Variants in GLIS3 observed in about 807,000 individuals in gnomAD.
The protein encoded by GLIS3 is GLIS family zinc finger 3, also known as zinc finger protein GLIS3.
A neutral mutation model predicts 78.6 loss-of-function variants in GLIS3; 53 were observed. The ratio of observed to expected loss-of-function variants is 0.67; its 90% CI spans 0.54 to 0.85. GLIS3 has a LOEUF of 0.85. GLIS3 is among the 40% of genes least tolerant of loss of function. The pLI, the probability that GLIS3 is intolerant of heterozygous loss-of-function variation, is 0.00. For synonymous variants in GLIS3, 684 were observed against 509.9 expected (o/e 1.34, Z -4.60); for missense variants, 1,703 against 1,231.1 (o/e 1.38, Z -5.74).
chr9:4,228,725 T>G (rs1241609093), intron 2 of GLIS3, among the ~76,000 whole-genome samples: 1 of 152,146 alleles, frequency 6.6e-6, no homozygotes, highest in Non-Finnish European at 1.5e-5. Flanking sequence ...CAATATGAAA[T>G]GAAAAATGAT....
chr9:3,866,529 A>G (rs988954120), intron 8 of GLIS3, among the ~76,000 whole-genome samples: 4 of 152,174 alleles, frequency 2.6e-5, no homozygotes, highest in Non-Finnish European at 4.4e-5. Flanking sequence ...CTGAAGAGGT[A>G]CAATTTGAGC....
chr9:4,444,248 T>A, the GLIS3 span, among the ~76,000 whole-genome samples: 19 of 152,216 alleles, frequency 1.2e-4, no homozygotes, highest in Admixed American at 4.6e-4. Context: ...ACACCACTTA[T>A]CTTAATTCAC....
intron 4 of GLIS3, among the ~76,000 whole-genome samples, chr9:4,045,404 C>A (rs955195866): frequency 6.6e-6 from 1 of 151,972 alleles, no homozygotes; most frequent in South Asian, 2.1e-4. Flanking sequence ...GGTGCGATCT[C>A]GGCTCACTGC....
At chr9:4,441,252 C>T in the GLIS3 span, among the ~76,000 whole-genome samples, 1 of 152,182 alleles carries the variant, frequency 6.6e-6, no homozygotes, top group Non-Finnish European at 1.5e-5. Flanking sequence ...TAAAAGCTTT[C>T]AGCTTTTTCT....
At chr9:3,948,219 A>G (rs1014523801) in intron 4 of GLIS3, among the ~76,000 whole-genome samples, 2 of 152,226 alleles carry the variant, frequency 1.3e-5, no homozygotes, top group African/African-American at 2.4e-5. Flanking sequence ...TAGCTGGCAC[A>G]CAGCAGGGAC....
chr9:4,288,360 T>C lies in GLIS3; in HGVS notation c.-98-1837A>G, dbSNP rs536138315. 5.3e-5 allele frequency among the ~76,000 whole-genome samples: 8 copies of C among 152,294 alleles called. 1 individual carries two copies. The highest frequency in any genetic ancestry group is 1.0e-4 in the Non-Finnish European group (7 of 68,010). ...AAAAAGGCAAAAGAAATATGTCACA[T>C]TGGCAACTTTTTTAAAATAAAGAAT... On this transcript the variant is annotated intron_variant, in intron 1 of 10. Coordinates refer to ENST00000381971, the MANE Select transcript of GLIS3 (RefSeq NM_001042413.2).
At chr9:3,944,516 G>C (rs1265815847) in intron 4 of GLIS3, among the ~76,000 whole-genome samples, 3 of 152,202 alleles carry the variant, frequency 2.0e-5, no homozygotes, top group African/African-American at 7.2e-5. Flanking sequence ...ATTTCTGTGA[G>C]TGGGTAAATA....
At chr9:3,980,414 C>T (rs1407774908) in intron 4 of GLIS3, among the ~76,000 whole-genome samples, 5 of 152,194 alleles carry the variant, frequency 3.3e-5, no homozygotes, top group African/African-American at 9.6e-5. Context: ...GTCCATATCT[C>T]TCTCCTCACC....
intron 2 of GLIS3, among the ~76,000 whole-genome samples, chr9:4,209,415 C>A (rs1027509124): frequency 2.6e-5 from 4 of 152,178 alleles, no homozygotes; most frequent in Admixed American, 1.3e-4. Context: ...GTCTTGGAAT[C>A]TGTACAACAG....
intron 4 of GLIS3, among the ~76,000 whole-genome samples, chr9:3,969,444 G>C (rs1457762001): frequency 2.0e-5 from 3 of 152,214 alleles, no homozygotes; most frequent in Non-Finnish European, 4.4e-5. Context: ...TCCACTCAAA[G>C]TAGACCTTCT....
intron 4 of GLIS3, among the ~76,000 whole-genome samples, chr9:4,055,829 C>T (rs1826112065): frequency 1.3e-5 from 2 of 152,186 alleles, no homozygotes; most frequent in Admixed American, 1.3e-4. Context: ...AATGGTCTGG[C>T]TTTCAGAACA....
chr9:4,177,155 C>T (rs867273952), intron 2 of GLIS3, among the ~76,000 whole-genome samples: 2 of 91,864 alleles, frequency 2.2e-5, no homozygotes, highest in African/African-American at 9.9e-5. Flanking sequence ...CAAAACAAAA[C>T]AAAACAAAAC....
chr9:4,037,027 G>C (rs1012770135), intron 4 of GLIS3, among the ~76,000 whole-genome samples: 3 of 152,120 alleles, frequency 2.0e-5, no homozygotes, highest in Non-Finnish European at 4.4e-5. Flanking sequence ...TCTAACCTTT[G>C]CTGTATAATT....
intron 4 of GLIS3, among the ~76,000 whole-genome samples, chr9:4,060,335 C>T (rs1826539790): frequency 6.6e-6 from 1 of 152,204 alleles, no homozygotes; most frequent in Non-Finnish European, 1.5e-5. Context: ...GATTCTCCTT[C>T]TAGCCAGCCT....
rs775604544 is a variant in GLIS3, at chr9:3,898,773, C to A, written c.2046G>T (p.Leu682=). 4.3e-6 allele frequency: 7 copies of A among 1,614,196 alleles called. No homozygotes were observed. The South Asian group carries it at 6.6e-5, about 15-fold the overall frequency. ...LLTDCLTVQS[L]QPATSPRDAA... is the part of the protein sequence containing the mutation. ...CATCTCTAGGGGAAGTGGCCGGCTG[C>A]AGGGACTGCACGGTGAGGCAATCTG... The change falls in exon 7 of 11, where the codon CTG becomes CTT. Residue 682 remains leucine (L), a synonymous_variant. Coordinates refer to ENST00000381971, the MANE Select transcript of GLIS3 (RefSeq NM_001042413.2).
intron 2 of GLIS3, among the ~76,000 whole-genome samples, chr9:4,241,362 T>A (rs1432908094): frequency 1.3e-5 from 2 of 152,188 alleles, no homozygotes; most frequent in African/African-American, 4.8e-5. Flanking sequence ...GATATACAGT[T>A]AGATAGAAGA....
chr9:4,002,193 G>T (rs543531081), intron 4 of GLIS3, among the ~76,000 whole-genome samples: 1 of 152,120 alleles, frequency 6.6e-6, no homozygotes, highest in African/African-American at 2.4e-5. Flanking sequence ...CAAGAGGTTG[G>T]AGTGACATGA....
At chr9:4,139,538 C>T (rs1460213405) in intron 2 of GLIS3, among the ~76,000 whole-genome samples, 1 of 152,160 alleles carries the variant, frequency 6.6e-6, no homozygotes, top group East Asian at 1.9e-4. Flanking sequence ...GTCCATATTC[C>T]CTCCTGTTAC....
chr9:3,897,223 G>C (rs1445030975), intron 7 of GLIS3, among the ~76,000 whole-genome samples: 1 of 152,096 alleles, frequency 6.6e-6, no homozygotes, highest in African/African-American at 2.4e-5. Flanking sequence ...TTGTATGTTA[G>C]GCCATTTTTC....
Sources: allele counts gnomAD v4.1 joint callset (sites outside exome capture counted in the v4.1 genomes callset), GRCh38; gene constraint gnomAD v4.1.1; transcripts MANE v1.5; gene names NCBI Gene and HGNC (gene_info 2026-07-23, HGNC 2026-07-21).